Variants in STAG1 observed in about 807,000 individuals in gnomAD.
STAG1 encodes STAG1 cohesin complex component.
In STAG1, 26 loss-of-function variants were observed where a neutral mutation model predicts 170.9. The ratio of observed to expected loss-of-function variants is 0.15; its 90% confidence interval spans 0.11 to 0.21. STAG1 has a LOEUF of 0.21. STAG1 is among the 10% of genes least tolerant of loss of function. The pLI, the probability that STAG1 is intolerant of heterozygous loss-of-function variation, is 1.00. For missense variants in STAG1, 964 were observed against 1,509.5 expected, an observed-to-expected ratio of 0.64 and a Z score of 5.99; for synonymous variants, 514 against 497.7, an observed-to-expected ratio of 1.03 and a Z score of -0.44.
chr3:136,611,284 G>C (rs553189427), intron 3 of STAG1, among the ~76,000 whole-genome samples: 1 of 152,096 alleles, frequency 6.6e-6, no homozygotes, highest in African/African-American at 2.4e-5. Flanking sequence ...CAAGTAGCTG[G>C]GATTACAAGC....
At chr3:136,486,534 A>C (rs2090016459) in intron 9 of STAG1, among the ~76,000 whole-genome samples, 1 of 152,188 alleles carries the variant, frequency 6.6e-6, no homozygotes, top group Admixed American at 6.5e-5. Context: ...TCTGCCGAGG[A>C]TCCATTACAT....
chr3:136,379,981 T>C (rs187445369), intron 22 of STAG1, among the ~76,000 whole-genome samples: 9 of 150,932 alleles, frequency 6.0e-5, no homozygotes, highest in African/African-American at 2.0e-4. Flanking sequence ...TGATGTGGAA[T>C]AGGCCAGTTA....
intron 7 of STAG1, among the ~76,000 whole-genome samples, chr3:136,513,809 TAAGA>T (rs1185832798): frequency 1.3e-5 from 2 of 150,918 alleles, no homozygotes; most frequent in Admixed American, 6.6e-5. Flanking sequence ...GAGAACAAAT[TAAGA>T]AAGAAAGAAA....
rs542868773 is a variant in STAG1 at position 136,676,608 on chromosome 3, G to A, written c.-83-45627C>T. Among the ~76,000 whole-genome samples the A allele has an allele frequency of 2.6e-5, 4 of 152,144 alleles. No homozygotes were observed. In the East Asian group the frequency reaches 7.7e-4, roughly 29 times the overall value. The stretch of plus-strand genomic sequence containing the variant: ...CTAAAGGCATGTGCCACCATACCCA[G>A]CTAATTTTTAAATTTTGTATTTGTG... On this transcript the variant is annotated intron_variant, in intron 1 of 33. Transcript: ENST00000383202.
At chr3:136,631,771 G>T (rs1940337854) in intron 1 of STAG1, among the ~76,000 whole-genome samples, 1 of 152,078 alleles carries the variant, frequency 6.6e-6, no homozygotes, top group Non-Finnish European at 1.5e-5. Context: ...GGACCTAACA[G>T]TCCACACTAG....
intron 1 of STAG1, among the ~76,000 whole-genome samples, chr3:136,722,946 G>C (rs1222770723): frequency 6.6e-6 from 1 of 152,202 alleles, no homozygotes; most frequent in African/African-American, 2.4e-5. Context: ...CGCCAGCCTC[G>C]GCCTCCCGAG....
At chr3:136,352,464 G>A (rs1360517145) in intron 28 of STAG1, among the ~76,000 whole-genome samples, 1 of 152,092 alleles carries the variant, frequency 6.6e-6, no homozygotes, top group African/African-American at 2.4e-5. Flanking sequence ...CTGGCCAAAT[G>A]TCCAGTTTTT....
intron 9 of STAG1, among the ~76,000 whole-genome samples, chr3:136,478,289 T>C (rs1035728066): frequency 6.6e-6 from 1 of 152,198 alleles, no homozygotes; most frequent in African/African-American, 2.4e-5. Flanking sequence ...GTCAGAATTC[T>C]GGCTCATTGC....
At position 136,473,557 on chromosome 3, in the gene STAG1, T is replaced by C. The variant is rs1559825613; in HGVS notation, c.1107A>G (p.Leu369=). The change falls in exon 11 of 34, where the codon CTA becomes CTG. Residue 369 remains leucine (L), a synonymous_variant. Coordinates refer to ENST00000383202, the MANE Select transcript of STAG1 (RefSeq NM_005862.3). The part of the protein sequence containing the change: ...TNRELFPKLE[L]FTNRFKDRIV... Reference sequence around the variant, plus strand: ...TGCTTACCTTGAATCGGTTAGTGAATAGTTCCAATTTGGGGAATAATTCTC... The same window carrying C: ...TGCTTACCTTGAATCGGTTAGTGAACAGTTCCAATTTGGGGAATAATTCTC... 10 of 1,610,912 alleles carry C rather than the reference T, an allele frequency of 6.2e-6. No individual in the cohort carries two copies. The highest frequency in any genetic ancestry group is 1.3e-5 in the African/African-American group (1 of 74,896).
At chr3:136,605,078 T>C (rs907196482) in intron 3 of STAG1, among the ~76,000 whole-genome samples, 19 of 152,198 alleles carry the variant, frequency 1.2e-4, no homozygotes, top group Non-Finnish European at 2.5e-4. Context: ...TCAGAAATCT[T>C]GTACAGAAAA....
At chr3:136,365,653 G>C (rs1383150856) in intron 25 of STAG1, among the ~76,000 whole-genome samples, 1 of 152,088 alleles carries the variant, frequency 6.6e-6, no homozygotes, top group South Asian at 2.1e-4. Flanking sequence ...TACCATCGGT[G>C]AGCTTGATGC....
At chr3:136,744,250 TG>T (rs1036308586) in intron 1 of STAG1, among the ~76,000 whole-genome samples, 24 of 152,096 alleles carry the variant, frequency 1.6e-4, no homozygotes, top group African/African-American at 5.8e-4. Context: ...TTGCTTGAAC[TG>T]GGGAAGCAGA....
At chr3:136,670,827 C>A (rs1334559796) in intron 1 of STAG1, among the ~76,000 whole-genome samples, 1 of 151,902 alleles carries the variant, frequency 6.6e-6, no homozygotes, top group Non-Finnish European at 1.5e-5. Context: ...TATATTAACA[C>A]ATGTTGAAAT....
At position 136,555,705 on chromosome 3, in the gene STAG1, G is replaced by A. The variant is rs559321495; in HGVS notation, c.394+13060C>T. Among the ~76,000 whole-genome samples the A allele has an allele frequency of 3.8e-5, 5 of 133,006 alleles. No homozygotes were observed. The South Asian group carries it at 6.8e-4, about 18-fold the overall frequency. The allele number at this position is 133,006 out of a possible 152,430, so 87.3% of individuals were successfully genotyped here. A position where few individuals can be genotyped will look rare whatever the true frequency, so the allele number is the denominator to read the frequency against. On this transcript the variant is annotated intron_variant, in intron 5 of 33. Transcript: ENST00000383202. ...TCTCAATCAATCAATCAATCAATCA[G>A]TCAATCAATCAATCAAGTATACAAT...
chr3:136,353,802 T>C (rs1936525931), intron 28 of STAG1, among the ~76,000 whole-genome samples: 1 of 152,146 alleles, frequency 6.6e-6, no homozygotes, highest in Middle Eastern at 3.2e-3. Flanking sequence ...AAACAAAGAG[T>C]GCCAGTAAAG....
intron 7 of STAG1, among the ~76,000 whole-genome samples, chr3:136,514,916 G>A (rs184416557): frequency 2.0e-5 from 3 of 152,188 alleles, no homozygotes; most frequent in Non-Finnish European, 4.4e-5. Flanking sequence ...CTGTCGTGGG[G>A]TGGGGGCAGG....
intron 4 of STAG1, among the ~76,000 whole-genome samples, chr3:136,573,575 A>G (rs933177406): frequency 1.3e-5 from 2 of 152,186 alleles, no homozygotes; most frequent in Non-Finnish European, 2.9e-5. Context: ...GCCAAAAAAA[A>G]TATTTCAAAT....
chr3:136,664,222 A>G (rs1576733620), intron 1 of STAG1, among the ~76,000 whole-genome samples: 1 of 152,192 alleles, frequency 6.6e-6, no homozygotes, highest in Admixed American at 6.5e-5. Context: ...GCTATGTCCT[A>G]TTTCACGGAA....
chr3:136,504,993 G>A (rs1453657754), intron 7 of STAG1, among the ~76,000 whole-genome samples: 1 of 152,074 alleles, frequency 6.6e-6, no homozygotes, highest in East Asian at 1.9e-4. Flanking sequence ...TGTTTACTGA[G>A]ATAAAATATT....
Sources: gnomAD v4.1 joint callset for allele counts (sites outside exome capture counted in the v4.1 genomes callset) on GRCh38, gnomAD v4.1.1 for gene constraint, MANE v1.5 for transcripts, NCBI Gene and HGNC (gene_info 2026-07-23, HGNC 2026-07-21) for gene names.